The following CSMD1 variants were observed in gnomAD, a reference collection of about 807,000 sequenced individuals.
CSMD1 encodes the protein CUB and sushi domain-containing protein 1.
Under a neutral mutation model 417.5 loss-of-function variants are expected in CSMD1, and 213 were observed. The ratio of observed to expected loss-of-function variants is 0.51; its 90% CI spans 0.46 to 0.57. CSMD1 has a LOEUF of 0.57. Ranked by LOEUF, CSMD1 falls within the 20% of genes least tolerant of loss-of-function variation. The probability of loss-of-function intolerance (pLI) is 0.00; values close to 1 mark genes in which losing one functional copy is unlikely to be tolerated. For synonymous variants in CSMD1, 2,862 were observed against 1,736.8 expected (o/e 1.65, Z -16.11); for missense variants, 6,923 against 4,529.7 (o/e 1.53, Z -15.17).
chr8:4,345,306 C>T (rs922714343), intron 3 of CSMD1, among the ~76,000 whole-genome samples: 5 of 152,020 alleles, frequency 3.3e-5, no homozygotes, highest in Non-Finnish European at 7.4e-5. Context: ...TTTGAACACC[C>T]TAGAAGGTAA....
chr8:4,633,703 C>T (rs553147628), intron 2 of CSMD1, among the ~76,000 whole-genome samples: 148 of 152,202 alleles, frequency 9.7e-4, no homozygotes, highest in Admixed American at 1.7e-3. Flanking sequence ...CTTACAGATG[C>T]CTGCCACCAT....
intron 7 of CSMD1, among the ~76,000 whole-genome samples, chr8:3,693,794 C>T (rs966369210): frequency 4.7e-5 from 7 of 149,718 alleles, no homozygotes; most frequent in South Asian, 4.3e-4. Flanking sequence ...TGTGTGTTGG[C>T]GTCGTGTGTG....
chr8:4,937,175 T>G (rs115230624), intron 1 of CSMD1, among the ~76,000 whole-genome samples: 4,797 of 152,258 alleles, frequency 0.032, 82 homozygotes, highest in Middle Eastern at 0.085. Context: ...ATCCTGAGAC[T>G]GCATTACAGC....
At chr8:4,103,518 G>T (rs145883503) in intron 3 of CSMD1, among the ~76,000 whole-genome samples, 138 of 151,304 alleles carry the variant, frequency 9.1e-4, no homozygotes, top group Non-Finnish European at 1.7e-3. Flanking sequence ...ATATATAAAT[G>T]TAAATATATA....
intron 3 of CSMD1, among the ~76,000 whole-genome samples, chr8:4,050,155 C>T (rs1180118637): frequency 6.6e-6 from 1 of 152,128 alleles, no homozygotes; most frequent in Non-Finnish European, 1.5e-5. Flanking sequence ...ATGCCAGGGA[C>T]ACGCATCATC....
At chr8:4,181,198 C>A (rs904178034) in intron 3 of CSMD1, among the ~76,000 whole-genome samples, 30 of 152,008 alleles carry the variant, frequency 2.0e-4, no homozygotes, top group African/African-American at 5.3e-4. Context: ...AATAGACATC[C>A]CATATAGCAC....
At chr8:4,679,360 T>G (rs1044254693) in intron 1 of CSMD1, among the ~76,000 whole-genome samples, 1 of 152,198 alleles carries the variant, frequency 6.6e-6, no homozygotes, top group African/African-American at 2.4e-5. Context: ...ATTAAACATT[T>G]TTTAACTTTG....
intron 3 of CSMD1, among the ~76,000 whole-genome samples, chr8:4,372,358 C>G (rs1266278193): frequency 6.6e-6 from 1 of 152,078 alleles, no homozygotes; most frequent in Non-Finnish European, 1.5e-5. Flanking sequence ...CTTAGTGTTT[C>G]CTTCCACATG....
chr8:4,580,198 G>A (rs560533735), intron 2 of CSMD1, among the ~76,000 whole-genome samples: 1 of 152,170 alleles, frequency 6.6e-6, no homozygotes, highest in South Asian at 2.1e-4. Flanking sequence ...AATCTAGCCT[G>A]AGCTTGCCCC....
At chr8:3,317,094 GAA>G (rs1347570405) in intron 23 of CSMD1, among the ~76,000 whole-genome samples, 2 of 152,136 alleles carry the variant, frequency 1.3e-5, no homozygotes, top group Non-Finnish European at 2.9e-5. Flanking sequence ...GGTCTGTGAT[GAA>G]GAGAGGACAC....
At chr8:4,741,428 G>A (rs1810598339) in intron 1 of CSMD1, among the ~76,000 whole-genome samples, 3 of 152,084 alleles carry the variant, frequency 2.0e-5, no homozygotes, top group Non-Finnish European at 4.4e-5. Flanking sequence ...GGAAATAACT[G>A]TTTTTATTTT....
rs1389380492 is a variant in CSMD1, at chr8:4,023,783, T to TTG, written c.610+8120_610+8121dup. 2.2e-3 allele frequency among the ~76,000 whole-genome samples: 155 copies of TTG among 71,030 alleles called. 5 individuals are homozygous for TTG. The highest frequency in any genetic ancestry group is 3.2e-3 in the Non-Finnish European group (112 of 35,200). The allele number at this position is 71,030 out of a possible 152,430, so 46.6% of individuals were successfully genotyped here. On this transcript the variant is annotated intron_variant, in intron 4 of 69. Transcript: ENST00000635120. ...TTTTTTTTTTTTTTTTTTTTTTTTTTTGTGTGTGTATTTTTAGTAGAGACG... is the reference window on the plus strand; with the variant it reads ...TTTTTTTTTTTTTTTTTTTTTTTTTTTGTGTGTGTGTATTTTTAGTAGAGACG...
chr8:4,021,370 G>C (rs960930083), intron 4 of CSMD1, among the ~76,000 whole-genome samples: 2 of 152,180 alleles, frequency 1.3e-5, no homozygotes, highest in African/African-American at 2.4e-5. Flanking sequence ...GTCGCATCTG[G>C]GGATTTTTAA....
chr8:3,530,031 G>C lies in CSMD1; in HGVS notation c.1345-36305C>G, dbSNP rs147030062. Among the ~76,000 whole-genome samples, 165 of 152,220 alleles carry C rather than the reference G, an allele frequency of 1.1e-3. 1 individual carries two copies. The highest frequency in any genetic ancestry group is 3.6e-3 in the African/African-American group (150 of 41,558). ...AATTTTATCAGTGATAGAAGAATGA[G>C]CCGTGAGTATACATGCTAAATGCTC... On this transcript the variant is annotated intron_variant, in intron 10 of 69. Transcript: ENST00000635120.
At chr8:4,240,761 A>G (rs776418506) in intron 3 of CSMD1, among the ~76,000 whole-genome samples, 1 of 152,110 alleles carries the variant, frequency 6.6e-6, no homozygotes, top group Non-Finnish European at 1.5e-5. Flanking sequence ...CTTTGAATTT[A>G]ATTTTTTCTT....
chr8:4,115,846 C>A (rs956660162), intron 3 of CSMD1, among the ~76,000 whole-genome samples: 1 of 152,002 alleles, frequency 6.6e-6, no homozygotes, highest in Non-Finnish European at 1.5e-5. Context: ...AAGGTACATA[C>A]TGCATGATCC....
At chr8:4,019,533 T>A (rs1194345113) in intron 4 of CSMD1, among the ~76,000 whole-genome samples, 1 of 152,186 alleles carries the variant, frequency 6.6e-6, no homozygotes, top group Admixed American at 6.5e-5. Flanking sequence ...CCAAGAGACA[T>A]TCCCCATTCC....
chr8:4,114,546 C>T (rs1377968040), intron 3 of CSMD1, among the ~76,000 whole-genome samples: 1 of 80,672 alleles, frequency 1.2e-5, no homozygotes, highest in Non-Finnish European at 2.4e-5. Flanking sequence ...AAACTTTCAA[C>T]TCTTATAACT....
intron 5 of CSMD1, among the ~76,000 whole-genome samples, chr8:3,971,408 T>C (rs1443512284): frequency 6.6e-6 from 1 of 152,172 alleles, no homozygotes; most frequent in Non-Finnish European, 1.5e-5. Flanking sequence ...TATAAAATGT[T>C]TTTCAATATA....
Sources: allele counts gnomAD v4.1 joint callset (sites outside exome capture counted in the v4.1 genomes callset), GRCh38; gene constraint gnomAD v4.1.1; transcripts MANE v1.5; gene names NCBI Gene and HGNC (gene_info 2026-07-23, HGNC 2026-07-21).